The following TARS3 variants were observed in gnomAD, a reference collection of about 807,000 sequenced individuals.
TARS3 encodes the protein threonyl-tRNA synthetase 3.
TARS3 carries 94 observed loss-of-function variants against 103.5 expected under a neutral mutation model. The observed-to-expected ratio is 0.91, with a 90% CI of 0.77 to 1.08. The LOEUF is 1.08. Ranked by LOEUF, TARS3 falls within the 50% of genes least tolerant of loss-of-function variation. The pLI, the probability that TARS3 is intolerant of heterozygous loss-of-function variation, is 0.00. For synonymous variants in TARS3, 416 were observed against 355.4 expected, an observed-to-expected ratio of 1.17 and a Z score of -1.92; for missense variants, 952 against 995.2, an observed-to-expected ratio of 0.96 and a Z score of 0.58.
At chr15:101,706,968 A>G (rs1899597012) in intron 6 of TARS3, among the ~76,000 whole-genome samples, 1 of 152,228 alleles carries the variant, frequency 6.6e-6, no homozygotes. Flanking sequence ...AAGAACTCTT[A>G]TAACTCAAAT....
intron 9 of TARS3, 73 bp downstream of exon 9, chr15:101,702,166 T>TA (rs1416298269): frequency 1.1e-5 from 17 of 1,556,824 alleles, no homozygotes; most frequent in Admixed American, 3.7e-5. Context: ...TAAAGCAACT[T>TA]AGTTTTGTGA....
At chr15:101,707,212 C>G (rs1313065300) in intron 6 of TARS3, among the ~76,000 whole-genome samples, 3 of 151,978 alleles carry the variant, frequency 2.0e-5, no homozygotes, top group African/African-American at 7.2e-5. Flanking sequence ...TGTGGAAAAA[C>G]TGAACCCCCT....
At chr15:101,673,034 A>G (rs1897873881) in intron 13 of TARS3, among the ~76,000 whole-genome samples, 1 of 152,208 alleles carries the variant, frequency 6.6e-6, no homozygotes, top group African/African-American at 2.4e-5. Flanking sequence ...GAGCTGCCAG[A>G]GCCGAGAGAG....
chr15:101,722,564 T>C lies in TARS3; in HGVS notation c.369+529A>G, dbSNP rs546238359. Reference sequence around the variant, plus strand: ...GCTCACGCCTGTAATCCCAGCACTTTGGGAAGCCAAGGTGGGCGGATCATG... The same window carrying C: ...GCTCACGCCTGTAATCCCAGCACTTCGGGAAGCCAAGGTGGGCGGATCATG... On this transcript the variant is annotated intron_variant, in intron 2 of 18. Coordinates refer to ENST00000335968, the MANE Select transcript of TARS3 (RefSeq NM_152334.3). Among the ~76,000 whole-genome samples the C allele has an allele frequency of 5.6e-5, 8 of 142,524 alleles. No individual in the cohort carries two copies. The East Asian group carries it at 1.7e-3, about 30-fold the overall frequency. 93.5% of individuals were successfully genotyped at this position (142,524 alleles called of 152,430 possible).
chr15:101,716,700 T>C (rs1567358725), intron 3 of TARS3, among the ~76,000 whole-genome samples: 1 of 152,214 alleles, frequency 6.6e-6, no homozygotes, highest in Non-Finnish European at 1.5e-5. Flanking sequence ...GGAAAAATTC[T>C]GGAAGTACAA....
intron 6 of TARS3, among the ~76,000 whole-genome samples, chr15:101,708,257 G>GAAAAA (rs60601502): frequency 2.1e-5 from 1 of 48,602 alleles, no homozygotes; most frequent in Non-Finnish European, 3.4e-5. Flanking sequence ...GACTCTGTCT[G>GAAAAA]AAAAAAAAAA....
In TARS3 at chr15:101,706,383, G is replaced by A. The variant is rs143991372; in HGVS notation, c.931-636C>T. Among the ~76,000 whole-genome samples, 365 of 152,208 alleles carry A rather than the reference G, an allele frequency of 2.4e-3. 2 individuals carry two copies. Among genetic ancestry groups the A allele is most frequent in the African/African-American group, 8.1e-3 (335 of 41,526 alleles). On this transcript the variant is annotated intron_variant, in intron 6 of 18. Transcript: ENST00000335968. ...TGCAAAAAGAAGAAGAAAATCATTC[G>A]TTAATCATTCTTTATACTGGCTACC...
chr15:101,661,909 A>G (rs1897397218), intron 15 of TARS3, 93 bp from the exon 16 acceptor site: 2 of 712,676 alleles, frequency 2.8e-6, no homozygotes, highest in African/African-American at 3.7e-5. Flanking sequence ...GATTTAGATT[A>G]GTGATATCAG....
At chr15:101,659,007 G>T (rs923597472) in intron 16 of TARS3, among the ~76,000 whole-genome samples, 2 of 152,146 alleles carry the variant, frequency 1.3e-5, no homozygotes, top group African/African-American at 4.8e-5. Context: ...GGCCAGACTG[G>T]TCTTGAACTC....
intron 3 of TARS3, among the ~76,000 whole-genome samples, chr15:101,718,691 G>A: frequency 6.6e-6 from 1 of 152,124 alleles, no homozygotes; most frequent in East Asian, 1.9e-4. Context: ...TATGATCTCA[G>A]TCCATTAAAC....
intron 7 of TARS3, among the ~76,000 whole-genome samples, chr15:101,705,387 G>T (rs1470325862): frequency 1.3e-5 from 2 of 152,162 alleles, no homozygotes; most frequent in African/African-American, 4.8e-5. Flanking sequence ...ACATTAATAA[G>T]AACGTGGAAG....
chr15:101,691,272 A>G (rs1363932282), intron 10 of TARS3, among the ~76,000 whole-genome samples: 2 of 100,880 alleles, frequency 2.0e-5, no homozygotes, highest in Non-Finnish European at 4.1e-5. Context: ...TTACCTCAGT[A>G]TTTATATATA....
chr15:101,718,593 G>A (rs1433958213), intron 3 of TARS3, among the ~76,000 whole-genome samples: 2 of 152,106 alleles, frequency 1.3e-5, no homozygotes, highest in Non-Finnish European at 2.9e-5. Context: ...CCTTCTCAAA[G>A]GCCACACATA....
intron 3 of TARS3, among the ~76,000 whole-genome samples, chr15:101,720,348 CAATAT>C (rs1243289430): frequency 6.6e-6 from 1 of 152,064 alleles, no homozygotes; most frequent in African/African-American, 2.4e-5. Context: ...TGAGTCAAAA[CAATAT>C]AAGTTCACTA....
intron 11 of TARS3, 47 bp from the exon 12 acceptor site, chr15:101,684,284 T>C: frequency 2.0e-6 from 3 of 1,489,528 alleles, no homozygotes; most frequent in Non-Finnish European, 1.8e-6. Context: ...CACAGAAATA[T>C]TAAATAATTA....
intron 6 of TARS3, among the ~76,000 whole-genome samples, chr15:101,706,735 G>A (rs1271412714): frequency 6.6e-6 from 1 of 152,046 alleles, no homozygotes; most frequent in Non-Finnish European, 1.5e-5. Context: ...GGGTATACAA[G>A]GCACTTTATA....
chr15:101,694,199 A>G (rs1271283914), intron 10 of TARS3, among the ~76,000 whole-genome samples: 1 of 152,180 alleles, frequency 6.6e-6, no homozygotes, highest in Admixed American at 6.6e-5. Flanking sequence ...ACTTAAACCT[A>G]AGTGGAAGTC....
intron 15 of TARS3, among the ~76,000 whole-genome samples, chr15:101,668,437 T>C (rs1344337475): frequency 6.6e-6 from 1 of 152,158 alleles, no homozygotes; most frequent in African/African-American, 2.4e-5. Flanking sequence ...GTATAGTTCA[T>C]GGTGCCCCCT....
chr15:101,686,538 G>GCCT (rs1898482769), intron 10 of TARS3, among the ~76,000 whole-genome samples: 1 of 152,194 alleles, frequency 6.6e-6, no homozygotes, highest in South Asian at 2.1e-4. Context: ...TCATGAGCTG[G>GCCT]CCTCTCTCCC....
Sources: gnomAD v4.1 joint callset for allele counts (sites outside exome capture counted in the v4.1 genomes callset) on GRCh38, gnomAD v4.1.1 for gene constraint, MANE v1.5 for transcripts, NCBI Gene and HGNC (gene_info 2026-07-23, HGNC 2026-07-21) for gene names.